Variants in FRYL observed in about 807,000 individuals in gnomAD.
FRYL encodes the protein FRY like transcription coactivator.
In FRYL, 150 loss-of-function variants were observed where a neutral mutation model predicts 351.2. The observed-to-expected ratio is 0.43, with a 90% CI of 0.37 to 0.49. The LOEUF (loss-of-function observed/expected upper bound fraction) is 0.49, where lower values mean the gene tolerates loss of function less well. FRYL is among the 20% of genes least tolerant of loss of function. FRYL has a pLI of 0.00. For missense variants in FRYL, 3,036 were observed against 3,619.3 expected, an observed-to-expected ratio of 0.84 and a Z score of 4.13; for synonymous variants, 1,153 against 1,257.1, an observed-to-expected ratio of 0.92 and a Z score of 1.75.
Position 48,576,252 on chromosome 4 carries a change from T to TTTATTTAAAAA in FRYL, c.2529-31_2529-30insTTTTTAAATAA, listed in dbSNP as rs762798191. 1.7e-5 allele frequency: 25 copies of TTTATTTAAAAA among 1,495,890 alleles called. 1 individual carries two copies. The South Asian group carries it at 2.7e-4, about 16-fold the overall frequency. 92.7% of individuals were successfully genotyped at this position (1,495,890 alleles called of 1,614,324 possible). On this transcript the variant is annotated intron_variant, in intron 23 of 63. Coordinates refer to ENST00000358350, the MANE Select transcript of FRYL (RefSeq NM_015030.2). ...GGAAAAAAAAAGAAAAATAGGCAGA[T>TTTATTTAAAAA]ATGAATAACACAACACGTTTTTAAA...
rs199947946 is a variant in FRYL, at chr4:48,540,240, T to C, written c.6295+113A>G. ...CAAATAATTTAAGCTACCTAGCGTA[T>C]AAAAACTATGACTATTTGCAAAAAG... On this transcript the variant is annotated intron_variant, in intron 46 of 63. Coordinates refer to ENST00000358350, the MANE Select transcript of FRYL (RefSeq NM_015030.2). 253 of 1,307,466 alleles carry C rather than the reference T, an allele frequency of 1.9e-4. 1 individual carries two copies. In the East Asian group the frequency reaches 4.9e-3, roughly 25 times the overall value. The allele number at this position is 1,307,466 out of a possible 1,614,324, so 81.0% of individuals were successfully genotyped here. A position where few individuals can be genotyped will look rare whatever the true frequency, so the allele number is the denominator to read the frequency against.
intron 1 of FRYL, among the ~76,000 whole-genome samples, chr4:48,716,394 T>C (rs1035445892): frequency 1.3e-5 from 2 of 151,146 alleles, no homozygotes; most frequent in African/African-American, 4.9e-5. Context: ...AGGGCTAATA[T>C]CCAGAATCTA....
At chr4:48,745,164 A>T (rs575431581) in intron 1 of FRYL, among the ~76,000 whole-genome samples, 38 of 152,324 alleles carry the variant, frequency 2.5e-4, no homozygotes, top group South Asian at 1.0e-3. Flanking sequence ...GGGACTGTAA[A>T]CTAGCTCAAC....
chr4:48,633,434 T>C (rs1458760521), intron 4 of FRYL, among the ~76,000 whole-genome samples: 1 of 152,146 alleles, frequency 6.6e-6, no homozygotes, highest in African/African-American at 2.4e-5. Context: ...CTAGTTACCA[T>C]CTCTTGAGTT....
At chr4:48,753,394 A>T (rs751834854) in intron 1 of FRYL, among the ~76,000 whole-genome samples, 8 of 152,146 alleles carry the variant, frequency 5.3e-5, no homozygotes, top group Non-Finnish European at 1.0e-4. Context: ...AAGACTAGGA[A>T]TCTCCTCTGA....
intron 1 of FRYL, among the ~76,000 whole-genome samples, chr4:48,716,539 T>C (rs1213428846): frequency 1.3e-5 from 2 of 151,648 alleles, no homozygotes; most frequent in East Asian, 3.9e-4. Context: ...TCACCATCAC[T>C]GGCCATCAGA....
chr4:48,702,011 G>C (rs1485896150), intron 2 of FRYL, among the ~76,000 whole-genome samples: 1 of 152,010 alleles, frequency 6.6e-6, no homozygotes, highest in African/African-American at 2.4e-5. Flanking sequence ...TCTAAATGAG[G>C]TTACTCCCAA....
chr4:48,731,928 G>A (rs1770772516), intron 1 of FRYL, among the ~76,000 whole-genome samples: 1 of 152,168 alleles, frequency 6.6e-6, no homozygotes, highest in Non-Finnish European at 1.5e-5. Context: ...ATTGACAAAT[G>A]GGATCTAATC....
At chr4:48,685,824 G>T (rs909978846) in intron 2 of FRYL, among the ~76,000 whole-genome samples, 2 of 151,840 alleles carry the variant, frequency 1.3e-5, no homozygotes, top group Non-Finnish European at 2.9e-5. Context: ...CACGATCTCA[G>T]CTCACTGCAA....
rs1335037799 is a variant in FRYL at position 48,561,630 on chromosome 4, C to T, written c.3703G>A (p.Glu1235Lys). The T allele has an allele frequency of 2.1e-5, 33 of 1,608,272 alleles. No homozygotes were observed. Among genetic ancestry groups the T allele is most frequent in the Non-Finnish European group, 2.8e-5 (33 of 1,176,666 alleles). ...EVAMQLLQILEPKMFRYAHKL... is the reference protein window; with the variant it reads ...EVAMQLLQILKPKMFRYAHKL... ...TGAGCATAGCGAAACATCTTCGGTT[C>T]CAGAATCTATAGGAATGTGATTCCA... is the stretch of plus-strand genomic sequence containing the variant. Residue 1235 changes from glutamate (E) to lysine (K), a missense_variant, in exon 33 of 64, where the codon GAA becomes AAA. Around this residue, in one of 7 missense-constraint regions of FRYL, gnomAD observed 1,987 missense variants for 2,311.7 expected, o/e 0.86. Transcript: ENST00000358350.
intron 3 of FRYL, among the ~76,000 whole-genome samples, chr4:48,647,724 T>C (rs540267456): frequency 6.6e-6 from 1 of 152,296 alleles, no homozygotes; most frequent in Admixed American, 6.5e-5. Context: ...CACCTGGAGC[T>C]AGAAATCCCA....
intron 3 of FRYL, chr4:48,646,142 T>C (rs1756416556): frequency 6.6e-6 from 1 of 152,224 alleles, no homozygotes; most frequent in Non-Finnish European, 1.5e-5. Flanking sequence ...CTATATTGCA[T>C]GATAATGGAT....
Position 48,670,722 on chromosome 4 carries a change from T to C in FRYL, c.-81+13951A>G, listed in dbSNP as rs532102339. ...AGTCTGTCTTTTGTGCCTGGCTCAT[T>C]TCACTTAACATAATGACCTCCAGTT... On this transcript the variant is annotated intron_variant, in intron 3 of 63. Coordinates refer to ENST00000358350, the MANE Select transcript of FRYL (RefSeq NM_015030.2). Among the ~76,000 whole-genome samples the C allele has an allele frequency of 3.5e-4, 53 of 152,206 alleles. 1 individual carries two copies. The South Asian group carries it at 4.1e-3, about 12-fold the overall frequency.
chr4:48,736,022 C>G (rs549033480), intron 1 of FRYL, among the ~76,000 whole-genome samples: 2 of 149,824 alleles, frequency 1.3e-5, no homozygotes, highest in Non-Finnish European at 3.0e-5. Context: ...TATCTGCTCT[C>G]AGACCACAAT....
chr4:48,754,130 A>T (rs1400106101), intron 1 of FRYL, among the ~76,000 whole-genome samples: 2 of 152,184 alleles, frequency 1.3e-5, no homozygotes, highest in Admixed American at 1.3e-4. Flanking sequence ...CTCTTTCCAA[A>T]ACATTTTCAT....
chr4:48,554,179 A>C (rs1462558021), intron 35 of FRYL, among the ~76,000 whole-genome samples: 1 of 152,138 alleles, frequency 6.6e-6, no homozygotes, highest in African/African-American at 2.4e-5. Context: ...GATCCTAGCA[A>C]GACAGGCATC....
chr4:48,757,683 T>G (rs1773939647), intron 1 of FRYL, among the ~76,000 whole-genome samples: 1 of 152,178 alleles, frequency 6.6e-6, no homozygotes, highest in Non-Finnish European at 1.5e-5. Flanking sequence ...ATTTATACAT[T>G]CAATGCCATC....
At chr4:48,594,192 TTTAA>T (rs1225216223) in intron 15 of FRYL, among the ~76,000 whole-genome samples, 176 bp from the exon 16 acceptor site, 8 of 152,188 alleles carry the variant, frequency 5.3e-5, no homozygotes, top group Non-Finnish European at 1.2e-4. Context: ...AAGTATATTA[TTTAA>T]TTATCAAATG....
At position 48,579,071 on chromosome 4, in the gene FRYL, C is replaced by A; in HGVS notation, c.2430G>T (p.Lys810Asn). The A allele has an allele frequency of 6.2e-7, 1 of 1,614,006 alleles. No individual in the cohort carries two copies. The highest frequency in any genetic ancestry group is 1.7e-4 in the Middle Eastern group (1 of 6,060). The change falls in exon 23 of 64, where the codon AAG becomes AAT. Residue 810 changes from lysine to asparagine, a missense_variant. This residue lies in a region of FRYL where 492 missense variants were observed against 551.5 expected (regional missense o/e 0.89). Transcript: ENST00000358350. ...AGCAGTGTTTAGGAAGATTTTCTTG[C>A]TTTAAAAAACTGGAGAGACTTATAA... is the stretch of plus-strand genomic sequence containing the variant. Reference protein sequence around the residue: ...PWIISLSSFLKQENLPKHCST... With the variant: ...PWIISLSSFLNQENLPKHCST...
Sources: allele counts gnomAD v4.1 joint callset (sites outside exome capture counted in the v4.1 genomes callset), GRCh38; gene constraint gnomAD v4.1.1; regional missense constraint gnomAD v4.1.1; transcripts MANE v1.5; gene names NCBI Gene and HGNC (gene_info 2026-07-23, HGNC 2026-07-21).